The following ARIH1 variants were observed in gnomAD, a reference collection of about 807,000 sequenced individuals.
The protein encoded by ARIH1 is ariadne RBR E3 ubiquitin protein ligase 1, also known as E3 ubiquitin-protein ligase ARIH1.
Under a neutral mutation model 85.0 loss-of-function variants are expected in ARIH1, and 8 were observed. The observed-to-expected ratio is 0.09, with a 90% CI of 0.06 to 0.17. The LOEUF (loss-of-function observed/expected upper bound fraction) is 0.17, where lower values mean the gene tolerates loss of function less well. ARIH1 is among the 10% of genes least tolerant of loss of function. ARIH1 has a pLI of 1.00. For missense variants in ARIH1, 311 were observed against 718.1 expected (o/e 0.43, Z 6.48); for synonymous variants, 238 against 253.6 (o/e 0.94, Z 0.59).
chr15:72,508,767 C>T (rs2140405654), intron 1 of ARIH1, among the ~76,000 whole-genome samples: 1 of 149,930 alleles, frequency 6.7e-6, no homozygotes, highest in East Asian at 2.0e-4. Flanking sequence ...AGTCTCGGCT[C>T]ACTGCAACCT....
In ARIH1 at chr15:72,593,049, A is replaced by C. The variant is rs963031319; in HGVS notation, c.*9757A>C. The C allele has an allele frequency of 8.5e-5, 13 of 152,192 alleles. No homozygotes were observed. Among genetic ancestry groups the C allele is most frequent in the Non-Finnish European group, 1.6e-4 (11 of 68,014 alleles). The allele number at this position is 152,192 out of a possible 1,614,324, so 9.4% of individuals were successfully genotyped here. The stretch of plus-strand genomic sequence containing the variant: ...CCTATCAGTGATGTATGAGAGTTAC[A>C]GTTGCTTCACATGTCTGTCAACATT... On this transcript the variant is annotated 3_prime_UTR_variant, in exon 14 of 14. Transcript: ENST00000379887.
chr15:72,513,705 C>T (rs2063960168), intron 1 of ARIH1, among the ~76,000 whole-genome samples: 1 of 77,872 alleles, frequency 1.3e-5, no homozygotes. Context: ...CCCCCTCTCC[C>T]TCCCTCCCTC....
chr15:72,551,712 A>G (rs1367041563), intron 3 of ARIH1, among the ~76,000 whole-genome samples: 1 of 152,240 alleles, frequency 6.6e-6, no homozygotes, highest in Non-Finnish European at 1.5e-5. Context: ...ATGAACACTA[A>G]GAATTAAAGT....
At chr15:72,484,033 C>T (rs1167270601) in intron 1 of ARIH1, among the ~76,000 whole-genome samples, 5 of 151,580 alleles carry the variant, frequency 3.3e-5, no homozygotes, top group African/African-American at 9.7e-5. Context: ...ATTAGCCGGG[C>T]ATGGTGGTGG....
intron 10 of ARIH1, among the ~76,000 whole-genome samples, chr15:72,571,570 G>A (rs2140436258): frequency 6.6e-6 from 1 of 152,174 alleles, no homozygotes; most frequent in Non-Finnish European, 1.5e-5. Flanking sequence ...AAATGACTCT[G>A]AAAAACTGTA....
chr15:72,570,879 G>A lies in ARIH1; in HGVS notation c.1157+572G>A, dbSNP rs1232393502. 4.6e-5 allele frequency among the ~76,000 whole-genome samples: 7 copies of A among 152,022 alleles called. No homozygotes were observed. In the East Asian group the frequency reaches 1.4e-3, roughly 29 times the overall value. Reference sequence around the variant, plus strand: ...CACGGTGGCTCACACCTGTAATCCCGGCAATTTGGGAGGCCGAGGTGGGTG... The same window carrying A: ...CACGGTGGCTCACACCTGTAATCCCAGCAATTTGGGAGGCCGAGGTGGGTG... On this transcript the variant is annotated intron_variant, in intron 10 of 13. Transcript: ENST00000379887.
Position 72,488,714 on chromosome 15 carries a change from T to G in ARIH1, c.375+13700T>G, listed in dbSNP as rs1025738079. Among the ~76,000 whole-genome samples, 28 of 152,340 alleles carry G rather than the reference T, an allele frequency of 1.8e-4. 1 individual carries two copies. In the South Asian group the frequency reaches 2.1e-3, roughly 11 times the overall value. ...GTAAATGCTTGCTTTCTCAGTTTCC[T>G]TGTGGTAAACCAAAGGGATCCAGAC... On this transcript the variant is annotated intron_variant, in intron 1 of 13. Transcript: ENST00000379887.
intron 3 of ARIH1, among the ~76,000 whole-genome samples, chr15:72,548,248 A>T (rs985626241): frequency 6.7e-6 from 1 of 150,134 alleles, no homozygotes. Flanking sequence ...AGAAATCTGA[A>T]CTAACATCTG....
intron 3 of ARIH1, among the ~76,000 whole-genome samples, chr15:72,548,260 A>C (rs1031190457): frequency 1.4e-4 from 22 of 152,332 alleles, no homozygotes; most frequent in Admixed American, 1.4e-3. Flanking sequence ...TAACATCTGA[A>C]GGCATGGTAG....
At position 72,539,782 on chromosome 15, in the gene ARIH1, C is replaced by G. The variant is rs529932176; in HGVS notation, c.444-5038C>G. On this transcript the variant is annotated intron_variant, in intron 2 of 13. Coordinates refer to ENST00000379887, the MANE Select transcript of ARIH1 (RefSeq NM_005744.5). ...GAAAATTATTTTGGCCAGACTTCCT[C>G]AGTAACAACAGGTAACAAGAAAATA... Among the ~76,000 whole-genome samples the G allele has an allele frequency of 1.9e-3, 290 of 152,248 alleles. 2 individuals are homozygous for G. Among genetic ancestry groups the G allele is most frequent in the Non-Finnish European group, 3.9e-3 (265 of 68,012 alleles).
intron 1 of ARIH1, among the ~76,000 whole-genome samples, chr15:72,495,070 C>T (rs886275292): frequency 2.6e-5 from 4 of 152,152 alleles, no homozygotes; most frequent in Admixed American, 2.6e-4. Flanking sequence ...GGGCAGTGTT[C>T]ATGACAGGCT....
chr15:72,517,963 A>G, intron 1 of ARIH1, 104 bp from the exon 2 acceptor site: 1 of 739,272 alleles, frequency 1.4e-6, no homozygotes, highest in Non-Finnish European at 2.3e-6. Flanking sequence ...AGGGATGGAA[A>G]TTTGGGTGGA....
chr15:72,588,076 A>G lies in ARIH1; in HGVS notation c.*4784A>G, dbSNP rs2064325420. On this transcript the variant is annotated 3_prime_UTR_variant, in exon 14 of 14. Transcript: ENST00000379887. ...TAGCAGCTCTATCAATACCACAACA[A>G]CCTTATTACCATAGTAATTCAGGGG... is the stretch of plus-strand genomic sequence containing the variant. 1 of 152,168 alleles carries G rather than the reference A, an allele frequency of 6.6e-6. No individual in the cohort carries two copies. The highest frequency in any genetic ancestry group is 1.5e-5 in the Non-Finnish European group (1 of 68,016). 9.4% of individuals were successfully genotyped at this position (152,168 alleles called of 1,614,324 possible).
At chr15:72,477,789 A>G (rs1305536258) in intron 1 of ARIH1, among the ~76,000 whole-genome samples, 3 of 149,818 alleles carry the variant, frequency 2.0e-5, no homozygotes, top group African/African-American at 7.4e-5. Flanking sequence ...GCTTTTAAGG[A>G]AAAAAAAAAT....
chr15:72,535,979 T>C (rs530629281), intron 2 of ARIH1, among the ~76,000 whole-genome samples: 1 of 152,196 alleles, frequency 6.6e-6, no homozygotes, highest in African/African-American at 2.4e-5. Context: ...AAATAAGTTA[T>C]AACATTTGGA....
chr15:72,556,589 G>A (rs1021923768), intron 5 of ARIH1, among the ~76,000 whole-genome samples: 19 of 152,086 alleles, frequency 1.2e-4, no homozygotes, highest in African/African-American at 4.1e-4. Flanking sequence ...TTAACTTTTA[G>A]GTTCAGGTAT....
chr15:72,483,693 A>T (rs2063825310), intron 1 of ARIH1, among the ~76,000 whole-genome samples: 1 of 152,204 alleles, frequency 6.6e-6, no homozygotes, highest in Non-Finnish European at 1.5e-5. Flanking sequence ...TTTGCAAAAC[A>T]TTATACCTGT....
rs932163949 is a variant in ARIH1 at position 72,588,310 on chromosome 15, A to C, written c.*5018A>C. 1.3e-5 allele frequency: 2 copies of C among 152,220 alleles called. No individual in the cohort carries two copies. Among genetic ancestry groups the C allele is most frequent in the African/African-American group, 4.8e-5 (2 of 41,456 alleles). 9.4% of individuals were successfully genotyped at this position (152,220 alleles called of 1,614,324 possible). On this transcript the variant is annotated 3_prime_UTR_variant, in exon 14 of 14. Transcript: ENST00000379887. ...CTTCTACTAGTCTTGGCTTGCAACA[A>C]TGCCACTGTCCATCTGGCATTACCT...
At chr15:72,545,050 G>A (rs1156363030) in intron 3 of ARIH1, 86 bp downstream of exon 3, 2 of 1,295,208 alleles carry the variant, frequency 1.5e-6, no homozygotes, top group African/African-American at 2.9e-5. Flanking sequence ...AGGAAAATTT[G>A]TGGGTCTGGG....
Sources: gnomAD v4.1 joint callset for allele counts (sites outside exome capture counted in the v4.1 genomes callset) on GRCh38, gnomAD v4.1.1 for gene constraint, MANE v1.5 for transcripts, NCBI Gene and HGNC (gene_info 2026-07-23, HGNC 2026-07-21) for gene names.